Variants in GRIP2 observed in about 807,000 individuals in gnomAD.
GRIP2 encodes the protein glutamate receptor-interacting protein 2.
A neutral mutation model predicts 108.3 loss-of-function variants in GRIP2; 58 were observed. The observed-to-expected ratio is 0.54, with a 90% CI of 0.43 to 0.67. GRIP2 has a LOEUF of 0.67. GRIP2 is among the 30% of genes least tolerant of loss of function. The pLI, the probability that GRIP2 is intolerant of heterozygous loss-of-function variation, is 0.00. For missense variants in GRIP2, 1,278 were observed against 1,430.6 expected, an observed-to-expected ratio of 0.89 and a Z score of 1.72; for synonymous variants, 586 against 598.2, an observed-to-expected ratio of 0.98 and a Z score of 0.30.
chr3:14,550,658 A>T (rs1222312936), intron 1 of GRIP2, among the ~76,000 whole-genome samples: 2 of 152,188 alleles, frequency 1.3e-5, no homozygotes, highest in African/African-American at 4.8e-5. Flanking sequence ...CGGGAGGAGT[A>T]GGGCTTGCGG....
At chr3:14,574,585 G>T in the GRIP2 span, 10 of 721,956 alleles carry the variant, frequency 1.4e-5, no homozygotes. Context: ...ACTTCGTCCG[G>T]GTATGTGGAC....
At chr3:14,548,951 G>A (rs187716933) in intron 1 of GRIP2, among the ~76,000 whole-genome samples, 2 of 152,196 alleles carry the variant, frequency 1.3e-5, no homozygotes, top group East Asian at 1.9e-4. Flanking sequence ...CCACCCAGAG[G>A]CCCACCCTGG....
intron 9 of GRIP2, among the ~76,000 whole-genome samples, chr3:14,518,818 A>G (rs1339089872): frequency 6.6e-6 from 1 of 152,214 alleles, no homozygotes; most frequent in Non-Finnish European, 1.5e-5. Context: ...CACTTCGCCT[A>G]TCTGTGCCTC....
chr3:14,565,840 G>A, the GRIP2 span, among the ~76,000 whole-genome samples: 3 of 152,146 alleles, frequency 2.0e-5, no homozygotes, highest in Non-Finnish European at 2.9e-5. Context: ...AGCTTGTCCC[G>A]GCCACCTCGT....
rs1694500997 is a variant in GRIP2 at position 14,524,506 on chromosome 3, C to T, written c.290G>A (p.Arg97Gln). 5 of 1,557,006 alleles carry T rather than the reference C, an allele frequency of 3.2e-6. No individual in the cohort carries two copies. In the South Asian group the frequency reaches 4.7e-5, roughly 15 times the overall value. The change falls in exon 4 of 24, where the codon CGG becomes CAG. Residue 97 changes from arginine to glutamine, a missense_variant. By Grantham distance (43) the Arg-to-Gln change is conservative. Transcript: ENST00000621039. ...GGTCAGGTGGATCCCGTTCACAGAC[C>T]GAATATAGTCACCAATGTTCAGCAG... ...SDLLNIGDYI[R>Q]SVNGIHLTRL... is the part of the protein sequence containing the mutation.
the GRIP2 span, among the ~76,000 whole-genome samples, chr3:14,585,860 G>A: frequency 1.3e-5 from 2 of 152,114 alleles, no homozygotes; most frequent in Middle Eastern, 6.8e-3. Context: ...GACAGAGTCA[G>A]AGGGGACAGC....
In GRIP2 at chr3:14,494,899, GCA is replaced by G. The variant is rs1178411673; in HGVS notation, c.2912_2913del (p.Val971AlafsTer3). Reference sequence around the variant, plus strand: ...CCACGGTGGGCTGGCCCATCAGGGCGCACAGTGTGGACATAGACACCTTTTTC... The same window carrying G: ...CCACGGTGGGCTGGCCCATCAGGGCGCAGTGTGGACATAGACACCTTTTTC... ...LLEKGVYVHTVRPDGPAHRGG... is the reference protein window; with the variant it reads ...LLEKGVYVHTXRPDGPAHRGG... On this transcript the variant is annotated frameshift_variant, in exon 23 of 24. Coordinates refer to ENST00000621039, the MANE Select transcript of GRIP2 (RefSeq NM_001080423.4). LOFTEE classifies it high-confidence loss of function. The G allele has an allele frequency of 6.2e-7, 1 of 1,613,750 alleles. No homozygotes were observed. Among genetic ancestry groups the G allele is most frequent in the Non-Finnish European group, 8.5e-7 (1 of 1,179,844 alleles).
chr3:14,573,741 G>A, the GRIP2 span: 1 of 1,476,018 alleles, frequency 6.8e-7, no homozygotes. Flanking sequence ...GTCCTCCCAA[G>A]AGGGCTCATC....
At chr3:14,525,990 T>G in intron 1 of GRIP2, 59 bp from the exon 2 acceptor site, 1 of 1,443,716 alleles carries the variant, frequency 6.9e-7, no homozygotes, top group East Asian at 2.5e-5. Context: ...CCTGCAGACC[T>G]CTTCTGCTTT....
intron 17 of GRIP2, among the ~76,000 whole-genome samples, chr3:14,508,505 TG>T (rs1414654756): frequency 6.6e-6 from 1 of 152,146 alleles, no homozygotes; most frequent in Non-Finnish European, 1.5e-5. Flanking sequence ...CTTTAACCTC[TG>T]GGGCTGTAGA....
At chr3:14,572,484 C>T in the GRIP2 span, among the ~76,000 whole-genome samples, 3 of 150,656 alleles carry the variant, frequency 2.0e-5, no homozygotes, top group Non-Finnish European at 4.4e-5. Flanking sequence ...TGGTGGCGGG[C>T]GCCTGTAGTC....
At chr3:14,523,233 G>A (rs1447007882) in intron 5 of GRIP2, 158 bp from the exon 6 acceptor site, 3 of 618,832 alleles carry the variant, frequency 4.8e-6, no homozygotes, top group Non-Finnish European at 2.9e-6. Context: ...CAATAAATTC[G>A]CCCTCCCAAG....
chr3:14,554,343 G>A (rs548631693), intron 1 of GRIP2, among the ~76,000 whole-genome samples: 6 of 152,312 alleles, frequency 3.9e-5, no homozygotes, highest in African/African-American at 7.2e-5. Context: ...TCCTGGGGAC[G>A]CTCAAATCTG....
At chr3:14,527,234 A>G (rs1694580465) in intron 1 of GRIP2, among the ~76,000 whole-genome samples, 1 of 146,104 alleles carries the variant, frequency 6.8e-6, no homozygotes, top group African/African-American at 2.5e-5. Context: ...AGAGGGGGTG[A>G]GAAAGAAGGA....
At chr3:14,509,711 G>A in intron 17 of GRIP2, 109 bp downstream of exon 17, 1 of 1,134,128 alleles carries the variant, frequency 8.8e-7, no homozygotes, top group Non-Finnish European at 1.2e-6. Context: ...CACCCACAGT[G>A]TCAATGTTGG....
chr3:14,500,688 G>T (rs112872990), intron 21 of GRIP2, among the ~76,000 whole-genome samples: 7,807 of 152,144 alleles, frequency 0.051, 274 homozygotes, highest in South Asian at 0.15. Flanking sequence ...AATAAATAAA[G>T]ACATTTTCAG....
intron 1 of GRIP2, among the ~76,000 whole-genome samples, chr3:14,552,189 T>C (rs1039161065): frequency 1.3e-5 from 2 of 152,142 alleles, no homozygotes; most frequent in African/African-American, 4.8e-5. Flanking sequence ...TCATTTCCAC[T>C]CTGGGAGTCA....
chr3:14,534,880 T>C (rs146547890), intron 1 of GRIP2, among the ~76,000 whole-genome samples: 64 of 152,308 alleles, frequency 4.2e-4, no homozygotes, highest in African/African-American at 1.4e-3. Context: ...AGTCAACTCC[T>C]TGCCAGGCTG....
At chr3:14,550,720 C>T (rs1239141514) in intron 1 of GRIP2, among the ~76,000 whole-genome samples, 1 of 152,218 alleles carries the variant, frequency 6.6e-6, no homozygotes, top group Non-Finnish European at 1.5e-5. Context: ...ACCCCTTCAC[C>T]TCCATCCCCA....
Sources: gnomAD v4.1 joint callset for allele counts (sites outside exome capture counted in the v4.1 genomes callset) on GRCh38, gnomAD v4.1.1 for gene constraint, MANE v1.5 for transcripts, NCBI Gene and HGNC (gene_info 2026-07-23, HGNC 2026-07-21) for gene names.